PPP4R2: variants seen among roughly 807,000 people sequenced by gnomAD.
PPP4R2 encodes the protein serine/threonine-protein phosphatase 4 regulatory subunit 2.
A neutral mutation model predicts 47.2 loss-of-function variants in PPP4R2; 13 were observed. That is an observed-to-expected ratio of 0.28 (90% CI 0.18 to 0.44). PPP4R2 has a LOEUF of 0.44. Ranked by LOEUF, PPP4R2 falls within the 20% of genes least tolerant of loss-of-function variation. The probability of loss-of-function intolerance (pLI) is 1.00; values close to 1 mark genes in which losing one functional copy is unlikely to be tolerated. For missense variants in PPP4R2, 421 were observed against 491.2 expected (o/e 0.86, Z 1.35); for synonymous variants, 151 against 163.3 (o/e 0.92, Z 0.57).
At chr3:73,009,352 C>T (rs1057351388) in intron 2 of PPP4R2, among the ~76,000 whole-genome samples, 2 of 152,134 alleles carry the variant, frequency 1.3e-5, no homozygotes, top group African/African-American at 4.8e-5. Context: ...GGTGTGGAGA[C>T]ATTAAAAAGT....
At chr3:73,007,229 A>G (rs1701627133) in intron 2 of PPP4R2, among the ~76,000 whole-genome samples, 1 of 152,196 alleles carries the variant, frequency 6.6e-6, no homozygotes. Flanking sequence ...GCTTGATAAT[A>G]ATACTCGTTG....
Position 73,002,093 on chromosome 3 carries a change from G to T in PPP4R2, c.116+3935G>T, listed in dbSNP as rs541789317. ...TTGTAGCTCCCACATATGTGAAAAC[G>T]TGATGTTTGTCTTTCTGTGCTTGAC... On this transcript the variant is annotated intron_variant, in intron 2 of 8. Coordinates refer to ENST00000356692, the MANE Select transcript of PPP4R2 (RefSeq NM_174907.4). Among the ~76,000 whole-genome samples the T allele has an allele frequency of 2.0e-5, 3 of 152,260 alleles. No individual in the cohort carries two copies. In the South Asian group the frequency reaches 6.2e-4, roughly 32 times the overall value.
intron 2 of PPP4R2, among the ~76,000 whole-genome samples, chr3:73,035,762 A>G (rs1449760598): frequency 1.3e-5 from 2 of 152,002 alleles, no homozygotes; most frequent in Non-Finnish European, 2.9e-5. Flanking sequence ...AGTAGCTGGG[A>G]CTACAGGCAC....
At position 73,059,039 on chromosome 3, in the gene PPP4R2, T is replaced by C. The variant is rs764160695; in HGVS notation, c.290T>C (p.Ile97Thr). 1.5e-5 allele frequency: 24 copies of C among 1,555,170 alleles called. No homozygotes were observed. The highest frequency in any genetic ancestry group is 2.0e-5 in the Non-Finnish European group (23 of 1,138,828). Residue 97 changes from isoleucine to threonine, a missense_variant and splice_region_variant, in exon 4 of 9, where the codon ATC becomes ACC. Ile to Thr is a moderately conservative substitution (Grantham distance 89, BLOSUM62 -1). Coordinates refer to ENST00000356692, the MANE Select transcript of PPP4R2 (RefSeq NM_174907.4). ...TGTAAAATTATATTTTTTTGCAGTA[T>C]CCCTTTTACTATTCAGCGACTATGT... ...ILKIVTGFNG[I>T]PFTIQRLCEL...
At chr3:73,012,293 A>G (rs1701741097) in intron 2 of PPP4R2, among the ~76,000 whole-genome samples, 1 of 152,054 alleles carries the variant, frequency 6.6e-6, no homozygotes, top group Non-Finnish European at 1.5e-5. Context: ...AATTTTTCTC[A>G]AATATTTTCT....
Position 73,064,097 on chromosome 3 carries a change from ACAGACAG to A in PPP4R2, c.592_598del (p.Asp198LysfsTer26). ...GACAACAAATGGGTTGCCTGAGAGC[ACAGACAG>A]CAAAGAGGCAAATTTGCAGCAAAAT... On this transcript the variant is annotated frameshift_variant, in exon 7 of 9. Transcript: ENST00000356692. LOFTEE classifies it high-confidence loss of function. The A allele has an allele frequency of 6.2e-7, 1 of 1,613,562 alleles. No homozygotes were observed. The highest frequency in any genetic ancestry group is 8.5e-7 in the Non-Finnish European group (1 of 1,179,754).
intron 2 of PPP4R2, among the ~76,000 whole-genome samples, chr3:73,043,589 C>G (rs931686263): frequency 6.6e-6 from 1 of 152,192 alleles, no homozygotes; most frequent in Non-Finnish European, 1.5e-5. Context: ...TTCCCCACAT[C>G]AACCCAGCAC....
chr3:73,062,224 T>C, intron 5 of PPP4R2: 1 of 1,595,928 alleles, frequency 6.3e-7, no homozygotes, highest in Non-Finnish European at 8.5e-7. Context: ...TTTTCCACAA[T>C]GTCTCATCTA....
At chr3:73,046,634 G>A (rs1214625012) in intron 2 of PPP4R2, among the ~76,000 whole-genome samples, 1 of 152,144 alleles carries the variant, frequency 6.6e-6, no homozygotes, top group Non-Finnish European at 1.5e-5. Flanking sequence ...CTGTGATTAT[G>A]TGCCTTAATC....
At chr3:72,999,259 A>G (rs1419327440) in intron 2 of PPP4R2, among the ~76,000 whole-genome samples, 1 of 152,146 alleles carries the variant, frequency 6.6e-6, no homozygotes, top group Non-Finnish European at 1.5e-5. Flanking sequence ...TGGGCGGGGG[A>G]AGTCATTTTT....
chr3:73,007,734 C>G lies in PPP4R2; in HGVS notation c.116+9576C>G, dbSNP rs146021621. ...GAACTCTTGACCTCAAGTGATCGACCCGTCTCGGCTTCCCGAAGTGCTGGG... is the reference window on the plus strand; with the variant it reads ...GAACTCTTGACCTCAAGTGATCGACGCGTCTCGGCTTCCCGAAGTGCTGGG... On this transcript the variant is annotated intron_variant, in intron 2 of 8. Coordinates refer to ENST00000356692, the MANE Select transcript of PPP4R2 (RefSeq NM_174907.4). Among the ~76,000 whole-genome samples the G allele has an allele frequency of 6.7e-3, 1,016 of 152,240 alleles. 21 individuals carry two copies. The highest frequency in any genetic ancestry group is 0.023 in the African/African-American group (962 of 41,534).
chr3:73,040,576 C>T (rs1198970100), intron 2 of PPP4R2, among the ~76,000 whole-genome samples: 1 of 145,432 alleles, frequency 6.9e-6, no homozygotes, highest in African/African-American at 2.6e-5. Context: ...ATAACCTTGG[C>T]GCACTGCAAC....
At chr3:72,999,541 A>G (rs1435850188) in intron 2 of PPP4R2, among the ~76,000 whole-genome samples, 2 of 152,228 alleles carry the variant, frequency 1.3e-5, no homozygotes, top group Non-Finnish European at 2.9e-5. Flanking sequence ...GGAGATGAGT[A>G]CTTAAAACGT....
chr3:73,022,655 T>C (rs563572743), intron 2 of PPP4R2, among the ~76,000 whole-genome samples: 1 of 152,334 alleles, frequency 6.6e-6, no homozygotes, highest in East Asian at 1.9e-4. Flanking sequence ...GCTACCAAGT[T>C]TAAGAACGTC....
At chr3:73,059,295 A>G (rs551083380) in intron 4 of PPP4R2, among the ~76,000 whole-genome samples, 165 bp downstream of exon 4, 1 of 152,308 alleles carries the variant, frequency 6.6e-6, no homozygotes, top group South Asian at 2.1e-4. Context: ...TGTTTTACAG[A>G]GAGATTTAAT....
intron 2 of PPP4R2, among the ~76,000 whole-genome samples, chr3:73,007,795 G>C (rs1199619223): frequency 1.3e-5 from 2 of 152,070 alleles, no homozygotes; most frequent in African/African-American, 4.8e-5. Flanking sequence ...GGCCTCTATG[G>C]GGTTTCTTAA....
intron 2 of PPP4R2, among the ~76,000 whole-genome samples, chr3:73,027,180 T>A (rs1411658325): frequency 6.6e-6 from 1 of 152,222 alleles, no homozygotes; most frequent in Non-Finnish European, 1.5e-5. Context: ...CAGGTTGGTG[T>A]GCAGTGGCAT....
At chr3:73,043,246 C>CA (rs1324265720) in intron 2 of PPP4R2, among the ~76,000 whole-genome samples, 5 of 151,828 alleles carry the variant, frequency 3.3e-5, no homozygotes, top group Admixed American at 2.0e-4. Flanking sequence ...TTTTAGGAAC[C>CA]AAAAGCAATT....
At chr3:73,055,357 C>T (rs964996377) in intron 3 of PPP4R2, among the ~76,000 whole-genome samples, 1 of 151,390 alleles carries the variant, frequency 6.6e-6, no homozygotes, top group African/African-American at 2.4e-5. Context: ...AGACAAGACC[C>T]ATGAGACCCA....
Sources: allele counts gnomAD v4.1 joint callset (sites outside exome capture counted in the v4.1 genomes callset), GRCh38; gene constraint gnomAD v4.1.1; transcripts MANE v1.5; gene names NCBI Gene and HGNC (gene_info 2026-07-23, HGNC 2026-07-21).